ATP9B: variants seen among roughly 807,000 people sequenced by gnomAD.
The protein encoded by ATP9B is ATPase phospholipid transporting 9B.
Under a neutral mutation model 146.1 loss-of-function variants are expected in ATP9B, and 110 were observed. The ratio of observed to expected loss-of-function variants is 0.75; its 90% CI spans 0.65 to 0.88. ATP9B has a LOEUF of 0.88. ATP9B is among the 40% of genes least tolerant of loss of function. The pLI, the probability that ATP9B is intolerant of heterozygous loss-of-function variation, is 0.00. For missense variants in ATP9B, 1,499 were observed against 1,496.4 expected, an observed-to-expected ratio of 1.00 and a Z score of -0.03; for synonymous variants, 604 against 569.7, an observed-to-expected ratio of 1.06 and a Z score of -0.86.
At chr18:79,344,394 C>A (rs368725772) in intron 21 of ATP9B, 40 bp downstream of exon 21, 4 of 1,580,910 alleles carry the variant, frequency 2.5e-6, no homozygotes, top group African/African-American at 2.8e-5. Context: ...CTGTCTGTGT[C>A]TCTGAGGCAA....
chr18:79,197,636 A>C (rs1206562031), intron 9 of ATP9B, among the ~76,000 whole-genome samples: 5 of 152,178 alleles, frequency 3.3e-5, no homozygotes, highest in Non-Finnish European at 1.5e-5. Context: ...CAACCACTAA[A>C]AAAAGAAAGA....
At chr18:79,117,943 T>A (rs1195065576) in intron 4 of ATP9B, 4 of 152,254 alleles carry the variant, frequency 2.6e-5, no homozygotes. Flanking sequence ...TAACATTTTT[T>A]ATAAAGGTTA....
intron 1 of ATP9B, among the ~76,000 whole-genome samples, chr18:79,073,309 A>G (rs1036057624): frequency 6.6e-6 from 1 of 152,114 alleles, no homozygotes; most frequent in African/African-American, 2.4e-5. Flanking sequence ...GCGAGCCGAG[A>G]TCACCCCACT....
chr18:79,359,470 C>T lies in ATP9B; in HGVS notation c.3012+8C>T, dbSNP rs370119191. 3.1e-5 allele frequency: 50 copies of T among 1,603,986 alleles called. No homozygotes were observed. The highest frequency in any genetic ancestry group is 4.2e-5 in the Non-Finnish European group (49 of 1,171,052). Reference sequence around the variant, plus strand: ...TACAAGGACCTCACCAAGGTACGGGCCTCAGGCAAGCTGTCTGCCTCACGA... The same window carrying T: ...TACAAGGACCTCACCAAGGTACGGGTCTCAGGCAAGCTGTCTGCCTCACGA... On this transcript the variant is annotated splice_region_variant and intron_variant, in intron 26 of 29. Transcript: ENST00000426216.
chr18:79,337,530 A>C, intron 19 of ATP9B, 81 bp downstream of exon 19: 1 of 1,531,456 alleles, frequency 6.5e-7, no homozygotes, highest in Non-Finnish European at 8.7e-7. Flanking sequence ...GTGATTTGTG[A>C]AACTCCTGTG....
chr18:79,307,166 G>A lies in ATP9B; in HGVS notation c.1705G>A (p.Glu569Lys), dbSNP rs1168135329. Reference protein sequence around the residue: ...ESRAGVTEETEFAEADQDFSD... With the variant: ...ESRAGVTEETKFAEADQDFSD... ...TCGGGCCGGCGTTACTGAGGAGACTGAGTTCGCAGAGGCTGACCAAGACTT... is the reference window on the plus strand; with the variant it reads ...TCGGGCCGGCGTTACTGAGGAGACTAAGTTCGCAGAGGCTGACCAAGACTT... The change falls in exon 15 of 30, where the codon GAG (glutamate) becomes AAG (lysine). Residue 569 changes from glutamate to lysine, a missense_variant. Coordinates refer to ENST00000426216, the MANE Select transcript of ATP9B (RefSeq NM_198531.5). 2 of 1,614,240 alleles carry A rather than the reference G, an allele frequency of 1.2e-6. No individual in the cohort carries two copies. The highest frequency in any genetic ancestry group is 3.3e-5 in the Admixed American group (2 of 60,030).
intron 5 of ATP9B, among the ~76,000 whole-genome samples, chr18:79,139,071 C>T (rs2094482485): frequency 6.6e-6 from 1 of 152,098 alleles, no homozygotes; most frequent in African/African-American, 2.4e-5. Flanking sequence ...TAAAAAGTTA[C>T]TTAATTATCT....
intron 1 of ATP9B, among the ~76,000 whole-genome samples, chr18:79,082,309 T>C (rs979819368): frequency 1.3e-5 from 2 of 152,230 alleles, no homozygotes; most frequent in African/African-American, 4.8e-5. Flanking sequence ...TCCTCTAACC[T>C]TTTTTCAAGG....
At chr18:79,073,151 G>A (rs953128408) in intron 1 of ATP9B, among the ~76,000 whole-genome samples, 2 of 151,758 alleles carry the variant, frequency 1.3e-5, no homozygotes, top group Non-Finnish European at 2.9e-5. Flanking sequence ...CAGACTGGGA[G>A]GCCGGGCAGA....
chr18:79,126,292 C>G lies in ATP9B; in HGVS notation c.584C>G (p.Thr195Arg). The change falls in exon 5 of 30, where the codon ACA becomes AGA. Residue 195 changes from threonine (T) to arginine (R), a missense_variant. Coordinates refer to ENST00000426216, the MANE Select transcript of ATP9B (RefSeq NM_198531.5). Reference sequence around the variant, plus strand: ...GGATTTGTCTTGGCTGTTACTATGACACGGGAAGCAATTGATGAATTTCGG... The same window carrying G: ...GGATTTGTCTTGGCTGTTACTATGAGACGGGAAGCAATTGATGAATTTCGG... ...PLGFVLAVTM[T>R]REAIDEFRRF... 1 of 1,612,322 alleles carries G rather than the reference C, an allele frequency of 6.2e-7. No homozygotes were observed. Among genetic ancestry groups the G allele is most frequent in the South Asian group, 1.1e-5 (1 of 90,936 alleles).
intron 5 of ATP9B, among the ~76,000 whole-genome samples, chr18:79,139,492 G>A (rs964126470): frequency 1.3e-5 from 2 of 152,062 alleles, no homozygotes; most frequent in African/African-American, 4.8e-5. Flanking sequence ...TTATCATCTT[G>A]TTTTCCCCAA....
At chr18:79,212,097 T>C (rs1163836136) in intron 10 of ATP9B, among the ~76,000 whole-genome samples, 2 of 152,194 alleles carry the variant, frequency 1.3e-5, no homozygotes, top group Non-Finnish European at 2.9e-5. Context: ...TACTCAGTCT[T>C]TTAGCCTATT....
rs115916507 is a variant in ATP9B at position 79,299,378 on chromosome 18, G to A, written c.1412-4226G>A. ...TGTCTTTGCTCCCAGACCCATGTGC[G>A]AGCCACATACAGTTCCCTCTTCCTG... On this transcript the variant is annotated intron_variant, in intron 13 of 29. Coordinates refer to ENST00000426216, the MANE Select transcript of ATP9B (RefSeq NM_198531.5). Among the ~76,000 whole-genome samples the A allele has an allele frequency of 1.7e-3, 259 of 152,260 alleles. 4 individuals are homozygous for A. Among genetic ancestry groups the A allele is most frequent in the African/African-American group, 5.8e-3 (243 of 41,546 alleles).
At chr18:79,295,759 G>T (rs1057487104) in intron 13 of ATP9B, among the ~76,000 whole-genome samples, 1 of 152,140 alleles carries the variant, frequency 6.6e-6, no homozygotes, top group Admixed American at 6.5e-5. Context: ...GGGTCATGGG[G>T]CAGAGCCCCC....
At chr18:79,219,353 G>A (rs2095657020) in intron 11 of ATP9B, among the ~76,000 whole-genome samples, 1 of 151,920 alleles carries the variant, frequency 6.6e-6, no homozygotes, top group African/African-American at 2.4e-5. Flanking sequence ...GATGAGAAGT[G>A]GACTGATTGT....
intron 14 of ATP9B, 132 bp downstream of exon 14, chr18:79,303,848 G>A (rs759627346): frequency 9.5e-5 from 54 of 565,692 alleles, no homozygotes; most frequent in Middle Eastern, 4.6e-4. Flanking sequence ...TACTTCAGTC[G>A]TCTGTTCGAA....
At chr18:79,331,939 G>A (rs2096792239) in intron 17 of ATP9B, among the ~76,000 whole-genome samples, 1 of 152,122 alleles carries the variant, frequency 6.6e-6, no homozygotes, top group Non-Finnish European at 1.5e-5. Flanking sequence ...ACAACACGAG[G>A]GCCAGGGGCT....
intron 4 of ATP9B, among the ~76,000 whole-genome samples, chr18:79,113,751 C>G (rs573789727): frequency 6.6e-6 from 1 of 152,108 alleles, no homozygotes; most frequent in South Asian, 2.1e-4. Flanking sequence ...CTGAAGTATC[C>G]AAGTGCAGTA....
chr18:79,234,560 G>A (rs563364253), intron 11 of ATP9B, among the ~76,000 whole-genome samples: 214 of 151,458 alleles, frequency 1.4e-3, no homozygotes, highest in Non-Finnish European at 2.6e-3. Context: ...TGCTGCGGGC[G>A]TGCTGCTGTG....
Sources: gnomAD v4.1 joint callset for allele counts (sites outside exome capture counted in the v4.1 genomes callset) on GRCh38, gnomAD v4.1.1 for gene constraint, MANE v1.5 for transcripts, NCBI Gene and HGNC (gene_info 2026-07-23, HGNC 2026-07-21) for gene names.